The following WDTC1 variants were observed in gnomAD, a reference collection of about 807,000 sequenced individuals.
WDTC1 encodes the protein WD and tetratricopeptide repeats protein 1.
WDTC1 carries 12 observed loss-of-function variants against 76.0 expected under a neutral mutation model. That is an observed-to-expected ratio of 0.16 (90% CI 0.10 to 0.26). The LOEUF is 0.26. Ranked by LOEUF, WDTC1 falls within the 10% of genes least tolerant of loss-of-function variation. The pLI is 1.00. For missense variants in WDTC1, 511 were observed against 908.8 expected (o/e 0.56, Z 5.63); for synonymous variants, 326 against 350.8 (o/e 0.93, Z 0.79).
intron 6 of WDTC1, among the ~76,000 whole-genome samples, chr1:27,290,409 A>G (rs2013505324): frequency 6.6e-6 from 1 of 151,900 alleles, no homozygotes. Flanking sequence ...TTATTGGTTT[A>G]CTTTTTTGTC....
At chr1:27,235,061 C>G (rs1227592483) in intron 1 of WDTC1, 110 bp downstream of exon 1, 1 of 336,946 alleles carries the variant, frequency 3.0e-6, no homozygotes, top group Non-Finnish European at 5.4e-6. Flanking sequence ...CCCTGCCGGC[C>G]TGGGGGCCTG....
intron 1 of WDTC1, among the ~76,000 whole-genome samples, chr1:27,246,963 C>T (rs759998323): frequency 8.6e-5 from 13 of 151,148 alleles, no homozygotes; most frequent in Non-Finnish European, 7.4e-5. Context: ...AACTCCTGGG[C>T]CTAAGTAATC....
intron 13 of WDTC1, among the ~76,000 whole-genome samples, chr1:27,302,241 T>C (rs1033870999): frequency 6.6e-6 from 1 of 152,202 alleles, no homozygotes; most frequent in Non-Finnish European, 1.5e-5. Context: ...TCACGTGGAA[T>C]TTCTGTGTTT....
chr1:27,250,889 C>CA (rs1397215328), intron 1 of WDTC1, among the ~76,000 whole-genome samples: 1 of 146,538 alleles, frequency 6.8e-6, no homozygotes, highest in African/African-American at 2.5e-5. Context: ...TTTTTTGAGA[C>CA]AGAGTCTCAC....
chr1:27,292,833 C>G (rs2013574775), intron 7 of WDTC1, among the ~76,000 whole-genome samples: 1 of 145,486 alleles, frequency 6.9e-6, no homozygotes, highest in Non-Finnish European at 1.5e-5. Flanking sequence ...ACAATCTCAG[C>G]TCACTGCAAC....
intron 1 of WDTC1, 110 bp from the exon 2 acceptor site, chr1:27,260,846 A>G: frequency 1.7e-6 from 1 of 601,434 alleles, no homozygotes. Flanking sequence ...CCATGCCACA[A>G]ATGACAGGCA....
chr1:27,240,110 C>T (rs1451046640), intron 1 of WDTC1, among the ~76,000 whole-genome samples: 1 of 151,960 alleles, frequency 6.6e-6, no homozygotes, highest in Non-Finnish European at 1.5e-5. Flanking sequence ...AAGCTGGTCT[C>T]GAATTCCTGA....
intron 1 of WDTC1, among the ~76,000 whole-genome samples, chr1:27,245,987 G>A (rs1242708936): frequency 6.6e-6 from 1 of 152,116 alleles, no homozygotes; most frequent in East Asian, 1.9e-4. Context: ...TAGTGTCATC[G>A]GAAGGGGTTT....
chr1:27,241,518 A>G (rs774224613), intron 1 of WDTC1, among the ~76,000 whole-genome samples: 15 of 152,160 alleles, frequency 9.9e-5, no homozygotes, highest in Non-Finnish European at 2.1e-4. Flanking sequence ...ACATCTGGAT[A>G]TAACACTACT....
At chr1:27,292,461 C>T in intron 7 of WDTC1, 64 bp downstream of exon 7, 1 of 1,410,288 alleles carries the variant, frequency 7.1e-7, no homozygotes, top group South Asian at 1.6e-5. Context: ...TGCCCCTTTC[C>T]CTCACTGCCA....
intron 10 of WDTC1, 128 bp downstream of exon 10, chr1:27,296,529 AC>A: frequency 1.1e-6 from 1 of 947,288 alleles, no homozygotes; most frequent in South Asian, 1.5e-5. Context: ...CTCTGAAATA[AC>A]CCCACCTATG....
chr1:27,249,250 C>T (rs1248703559), intron 1 of WDTC1, among the ~76,000 whole-genome samples: 3 of 135,728 alleles, frequency 2.2e-5, no homozygotes, highest in Non-Finnish European at 4.7e-5. Flanking sequence ...GCCTGGGCAA[C>T]AGAGTGAGAC....
upstream of WDTC1, chr1:27,234,507 C>T (rs2011442245): frequency 5.8e-6 from 2 of 347,414 alleles, no homozygotes. Flanking sequence ...TGACCGGGCG[C>T]GGGGGGGTAA....
chr1:27,244,702 G>A (rs1450401235), intron 1 of WDTC1, among the ~76,000 whole-genome samples: 4 of 152,048 alleles, frequency 2.6e-5, no homozygotes, highest in Non-Finnish European at 4.4e-5. Context: ...TCCTTGCTTC[G>A]TTGCATCTTT....
At chr1:27,288,766 G>A (rs1489464549) in intron 6 of WDTC1, among the ~76,000 whole-genome samples, 6 of 151,284 alleles carry the variant, frequency 4.0e-5, no homozygotes, top group Admixed American at 1.3e-4. Context: ...ACACAGACAC[G>A]GCAACCATCC....
At chr1:27,250,443 C>T (rs1384051466) in intron 1 of WDTC1, among the ~76,000 whole-genome samples, 1 of 152,164 alleles carries the variant, frequency 6.6e-6, no homozygotes, top group African/African-American at 2.4e-5. Flanking sequence ...AGCCACCACA[C>T]CCAGCCCTGT....
chr1:27,243,275 C>T (rs924226333), intron 1 of WDTC1, among the ~76,000 whole-genome samples: 6 of 141,426 alleles, frequency 4.2e-5, no homozygotes, highest in Admixed American at 3.1e-4. Context: ...GGCATGATCT[C>T]GATCTTGGCT....
At chr1:27,296,682 C>T (rs1405293937) in intron 10 of WDTC1, among the ~76,000 whole-genome samples, 1 of 152,074 alleles carries the variant, frequency 6.6e-6, no homozygotes, top group Non-Finnish European at 1.5e-5. Flanking sequence ...TCCTTTGTAT[C>T]CTGGCCCAGT....
At chr1:27,239,203 C>T (rs979662844) in intron 1 of WDTC1, among the ~76,000 whole-genome samples, 1 of 150,094 alleles carries the variant, frequency 6.7e-6, no homozygotes, top group Non-Finnish European at 1.5e-5. Context: ...CATGCCCAGC[C>T]TCCCTGTCTG....
Sources: allele counts gnomAD v4.1 joint callset (sites outside exome capture counted in the v4.1 genomes callset), GRCh38; gene constraint gnomAD v4.1.1; transcripts MANE v1.5; gene names NCBI Gene and HGNC (gene_info 2026-07-23, HGNC 2026-07-21).